Variants in CD274 observed in about 807,000 individuals in gnomAD.
CD274 encodes the protein programmed cell death 1 ligand 1.
In CD274, 8 loss-of-function variants were observed where a neutral mutation model predicts 30.1. The observed-to-expected ratio is 0.27, with a 90% CI of 0.16 to 0.48. CD274 has a LOEUF of 0.48. CD274 is among the 20% of genes least tolerant of loss of function. The probability of loss-of-function intolerance (pLI) is 0.99; values close to 1 mark genes in which losing one functional copy is unlikely to be tolerated. For synonymous variants in CD274, 152 were observed against 124.6 expected, an observed-to-expected ratio of 1.22 and a Z score of -1.46; for missense variants, 353 against 346.6, an observed-to-expected ratio of 1.02 and a Z score of -0.15.
In CD274 at chr9:5,468,353, T is replaced by C. The variant is rs779059109; in HGVS notation, c.*491T>C. On this transcript the variant is annotated 3_prime_UTR_variant, in exon 7 of 7. Coordinates refer to ENST00000381577, the MANE Select transcript of CD274 (RefSeq NM_014143.4). ...TTGAGTCTGTGAGGTCTTCTTGTCA[T>C]GTGAGTGTGGTTGTGAATGATTTCT... The C allele has an allele frequency of 1.7e-5, 4 of 236,404 alleles. No individual in the cohort carries two copies. The highest frequency in any genetic ancestry group is 3.3e-5 in the Non-Finnish European group (4 of 120,364). 14.6% of individuals were successfully genotyped at this position (236,404 alleles called of 1,614,324 possible).
intron 3 of CD274, among the ~76,000 whole-genome samples, chr9:5,462,558 G>A (rs1819422839): frequency 6.6e-6 from 1 of 152,148 alleles, no homozygotes; most frequent in Non-Finnish European, 1.5e-5. Context: ...GGGTTTTAGT[G>A]TAAATTAATC....
intron 1 of CD274, among the ~76,000 whole-genome samples, chr9:5,453,867 C>G (rs1819251476): frequency 6.6e-6 from 1 of 152,174 alleles, no homozygotes; most frequent in Non-Finnish European, 1.5e-5. Flanking sequence ...CACTCTTGGC[C>G]TCTGCCCCTA....
rs2131236846 is a variant in CD274, at chr9:5,468,438, A to G, written c.*576A>G. 8.6e-6 allele frequency: 2 copies of G among 233,594 alleles called. No homozygotes were observed. The highest frequency in any genetic ancestry group is 1.2e-4 in the East Asian group (2 of 16,570). 14.5% of individuals were successfully genotyped at this position (233,594 alleles called of 1,614,324 possible). A position where few individuals can be genotyped will look rare whatever the true frequency, so the allele number is the denominator to read the frequency against. ...GTCGCCAAACTAAACTTGCTGCTTA[A>G]TGATTTGCTCACATCTAGTAAAACA... On this transcript the variant is annotated 3_prime_UTR_variant, in exon 7 of 7. Transcript: ENST00000381577.
At chr9:5,456,550 T>C (rs7023227) in intron 2 of CD274, among the ~76,000 whole-genome samples, 105,079 of 152,120 alleles carry the variant, frequency 0.69, 37,533 homozygotes, top group East Asian at 0.92. Context: ...TGAGGATACT[T>C]TAAGGAAGAA....
rs1819528052 is a variant in CD274 at position 5,468,141 on chromosome 9, A to G, written c.*279A>G. 2.2e-6 allele frequency: 1 copy of G among 447,312 alleles called. No homozygotes were observed. Among genetic ancestry groups the G allele is most frequent in the South Asian group, 4.3e-5 (1 of 23,224 alleles). 27.7% of individuals were successfully genotyped at this position (447,312 alleles called of 1,614,324 possible). On this transcript the variant is annotated 3_prime_UTR_variant, in exon 7 of 7. Coordinates refer to ENST00000381577, the MANE Select transcript of CD274 (RefSeq NM_014143.4). ...ACAGGGAGAAAGGATACTTCTGAAC[A>G]AGGAGCCTCCAAGCAAATCATCCAT...
chr9:5,459,053 T>C (rs1305027471), intron 3 of CD274, among the ~76,000 whole-genome samples: 1 of 151,954 alleles, frequency 6.6e-6, no homozygotes, highest in Non-Finnish European at 1.5e-5. Context: ...ACAGCTGTCC[T>C]TGTAGTAGGG....
chr9:5,461,214 A>G (rs1819398044), intron 3 of CD274, among the ~76,000 whole-genome samples: 1 of 152,134 alleles, frequency 6.6e-6, no homozygotes, highest in South Asian at 2.1e-4. Flanking sequence ...ACAGTGGCCG[A>G]TAAAAAGTGT....
At position 5,469,355 on chromosome 9, in the gene CD274, G is replaced by A. The variant is rs763324924; in HGVS notation, c.*1493G>A. 4 of 232,584 alleles carry A rather than the reference G, an allele frequency of 1.7e-5. No homozygotes were observed. Among genetic ancestry groups the A allele is most frequent in the Non-Finnish European group, 2.5e-5 (3 of 117,728 alleles). 14.4% of individuals were successfully genotyped at this position (232,584 alleles called of 1,614,324 possible). A position where few individuals can be genotyped will look rare whatever the true frequency, so the allele number is the denominator to read the frequency against. ...TCAAAATTCAAAAGATCCCATGGGA[G>A]ATGGTTGGAAAATCTCCACTTCATC... On this transcript the variant is annotated 3_prime_UTR_variant, in exon 7 of 7. Transcript: ENST00000381577.
chr9:5,451,416 T>C (rs1392686274), intron 1 of CD274, among the ~76,000 whole-genome samples: 1 of 152,268 alleles, frequency 6.6e-6, no homozygotes, highest in Non-Finnish European at 1.5e-5. Flanking sequence ...TCATTGCATA[T>C]ATATCTCTGG....
At chr9:5,467,563 T>A (rs1819517841) in intron 6 of CD274, among the ~76,000 whole-genome samples, 11 of 152,156 alleles carry the variant, frequency 7.2e-5, no homozygotes, top group Admixed American at 7.2e-4. Flanking sequence ...CAAGTTTCAT[T>A]CTGTGGCCCA....
At position 5,469,729 on chromosome 9, in the gene CD274, A is replaced by T. The variant is rs1364561281; in HGVS notation, c.*1867A>T. 1 of 232,538 alleles carries T rather than the reference A, an allele frequency of 4.3e-6. No individual in the cohort carries two copies. Among genetic ancestry groups the T allele is most frequent in the East Asian group, 6.1e-5 (1 of 16,492 alleles). The allele number at this position is 232,538 out of a possible 1,614,324, so 14.4% of individuals were successfully genotyped here. A position where few individuals can be genotyped will look rare whatever the true frequency, so the allele number is the denominator to read the frequency against. On this transcript the variant is annotated 3_prime_UTR_variant, in exon 7 of 7. Coordinates refer to ENST00000381577, the MANE Select transcript of CD274 (RefSeq NM_014143.4). Reference sequence around the variant, plus strand: ...TTTAGACAACCACCATTTGTTAAGTATTTGCTCTAGGACAGAGTTTGGATT... The same window carrying T: ...TTTAGACAACCACCATTTGTTAAGTTTTTGCTCTAGGACAGAGTTTGGATT...
intron 3 of CD274, among the ~76,000 whole-genome samples, chr9:5,458,029 G>A (rs1307422581): frequency 1.3e-5 from 2 of 152,164 alleles, no homozygotes; most frequent in South Asian, 4.1e-4. Flanking sequence ...TATTCTTCCA[G>A]TACAGGATAA....
At chr9:5,454,857 A>C (rs1341351059) in intron 1 of CD274, among the ~76,000 whole-genome samples, 1 of 152,222 alleles carries the variant, frequency 6.6e-6, no homozygotes, top group East Asian at 1.9e-4. Context: ...CATAAGTGAA[A>C]ATGGTATTTC....
intron 3 of CD274, among the ~76,000 whole-genome samples, chr9:5,461,820 T>G (rs16923169): frequency 0.052 from 7,935 of 152,200 alleles, 215 homozygotes; most frequent in South Asian, 0.072. Context: ...GAATCAAACT[T>G]TCTTCCTTGA....
chr9:5,455,133 G>A (rs1003273244), intron 1 of CD274, among the ~76,000 whole-genome samples: 1 of 149,230 alleles, frequency 6.7e-6, no homozygotes, highest in Non-Finnish European at 1.5e-5. Context: ...CACTAAGAGG[G>A]AAAACTTACC....
chr9:5,468,271 T>A lies in CD274; in HGVS notation c.*409T>A, dbSNP rs1819530152. The A allele has an allele frequency of 7.2e-6, 2 of 276,484 alleles. No individual in the cohort carries two copies. Among genetic ancestry groups the A allele is most frequent in the Non-Finnish European group, 1.4e-5 (2 of 146,240 alleles). 17.1% of individuals were successfully genotyped at this position (276,484 alleles called of 1,614,324 possible). A position where few individuals can be genotyped will look rare whatever the true frequency, so the allele number is the denominator to read the frequency against. The stretch of plus-strand genomic sequence containing the variant: ...TGCCTCAATTTGTTTTCTGCATGAC[T>A]GAGAGTCTCAGTGTTGGAACGGGAC... On this transcript the variant is annotated 3_prime_UTR_variant, in exon 7 of 7. Coordinates refer to ENST00000381577, the MANE Select transcript of CD274 (RefSeq NM_014143.4).
Position 5,462,844 on chromosome 9 carries a change from C to T in CD274, c.405C>T (p.Asn135=), listed in dbSNP as rs138119378. 222 of 1,613,142 alleles carry T rather than the reference C, an allele frequency of 1.4e-4. No individual in the cohort carries two copies. The highest frequency in any genetic ancestry group is 1.7e-4 in the Middle Eastern group (1 of 6,050). Residue 135 remains asparagine (N), a synonymous_variant, in exon 4 of 7, where the codon AAC becomes AAT. Transcript: ENST00000381577. ...TTGTTTATGTCCTAGCCCCATACAA[C>T]AAAATCAACCAAAGAATTTTGGTTG... ...RITVKVNAPY[N]KINQRILVVD... is the part of the protein sequence containing the mutation.
intron 3 of CD274, among the ~76,000 whole-genome samples, chr9:5,458,628 A>G (rs548807489): frequency 4.6e-5 from 7 of 152,370 alleles, no homozygotes; most frequent in South Asian, 2.1e-4. Context: ...ACTGATAACT[A>G]TAAACTCAAA....
Position 5,469,062 on chromosome 9 carries a change from G to C in CD274, c.*1200G>C. 4.3e-6 allele frequency: 1 copy of C among 233,150 alleles called. No individual in the cohort carries two copies. Among genetic ancestry groups the C allele is most frequent in the Non-Finnish European group, 8.5e-6 (1 of 117,950 alleles). The allele number at this position is 233,150 out of a possible 1,614,324, so 14.4% of individuals were successfully genotyped here. On this transcript the variant is annotated 3_prime_UTR_variant, in exon 7 of 7. Coordinates refer to ENST00000381577, the MANE Select transcript of CD274 (RefSeq NM_014143.4). ...GGGAAAACCCGAGCAGTGTTGCCAAGAGGAGGAAATAGGCCAATGTGGTCT... is the reference window on the plus strand; with the variant it reads ...GGGAAAACCCGAGCAGTGTTGCCAACAGGAGGAAATAGGCCAATGTGGTCT...
Sources: allele counts gnomAD v4.1 joint callset (sites outside exome capture counted in the v4.1 genomes callset), GRCh38; gene constraint gnomAD v4.1.1; transcripts MANE v1.5; gene names NCBI Gene and HGNC (gene_info 2026-07-23, HGNC 2026-07-21).